Variants in KREMEN1 observed in about 807,000 individuals in gnomAD.
KREMEN1 encodes kremen protein 1.
In KREMEN1, 30 loss-of-function variants were observed where a neutral mutation model predicts 46.5. The observed-to-expected ratio is 0.65, with a 90% confidence interval of 0.48 to 0.88. The LOEUF (loss-of-function observed/expected upper bound fraction) is 0.88. Ranked by LOEUF, KREMEN1 falls within the 40% of genes least tolerant of loss-of-function variation. The pLI, the probability that KREMEN1 is intolerant of heterozygous loss-of-function variation, is 0.00. For synonymous variants in KREMEN1, 214 were observed against 230.6 expected, an observed-to-expected ratio of 0.93 and a Z score of 0.65; for missense variants, 533 against 596.9, an observed-to-expected ratio of 0.89 and a Z score of 1.11.
chr22:29,146,163 G>A lies in KREMEN1; in HGVS notation c.*4051G>A, dbSNP rs1311838844. ...TCAGATCTCCCGTGTGGTGTTTGAT[G>A]TCGGCTTTTGTTCCTACCTTGGGAG... On this transcript the variant is annotated 3_prime_UTR_variant, in exon 9 of 9. Transcript: ENST00000400335. The A allele has an allele frequency of 1.0e-6, 1 of 983,898 alleles. No individual in the cohort carries two copies. The highest frequency in any genetic ancestry group is 1.8e-5 in the African/African-American group (1 of 55,822). The allele number at this position is 983,898 out of a possible 1,614,324, so 60.9% of individuals were successfully genotyped here. A position where few individuals can be genotyped will look rare whatever the true frequency, so the allele number is the denominator to read the frequency against.
chr22:29,109,631 C>T (rs558140558), intron 3 of KREMEN1, among the ~76,000 whole-genome samples: 1 of 152,110 alleles, frequency 6.6e-6, no homozygotes, highest in African/African-American at 2.4e-5. Flanking sequence ...AAAAAGGAAC[C>T]AGGTCAGACC....
chr22:29,073,219 C>T lies in KREMEN1; in HGVS notation c.89C>T (p.Pro30Leu), dbSNP rs2037500973. 8.5e-7 allele frequency: 1 copy of T among 1,176,470 alleles called. No homozygotes were observed. Among genetic ancestry groups the T allele is most frequent in the South Asian group, 4.1e-5 (1 of 24,558 alleles). 72.9% of individuals were successfully genotyped at this position (1,176,470 alleles called of 1,614,324 possible). A position where few individuals can be genotyped will look rare whatever the true frequency, so the allele number is the denominator to read the frequency against. ...ARPAPSPGLGPGPECFTANGA... is the reference protein window; with the variant it reads ...ARPAPSPGLGLGPECFTANGA... ...CCCGCGCCTAGCCCCGGCCTCGGCC[C>T]CGGACCCGGTGAGTGTGAGCGACCC... is the stretch of plus-strand genomic sequence containing the variant. The change falls in exon 1 of 9, where the codon CCC (proline) becomes CTC (leucine). Residue 30 changes from proline to leucine, a missense_variant. Transcript: ENST00000400335. This position sits in a 1 kb window ranked among gnomAD's most constrained non-coding sequence, Gnocchi z 4.4.
At chr22:29,123,878 A>G (rs1007226391) in intron 4 of KREMEN1, among the ~76,000 whole-genome samples, 1 of 152,242 alleles carries the variant, frequency 6.6e-6, no homozygotes, top group Non-Finnish European at 1.5e-5. Context: ...AAAATGAGAT[A>G]TCACTACATA....
intron 1 of KREMEN1, among the ~76,000 whole-genome samples, chr22:29,074,326 A>G (rs924292269): frequency 3.3e-5 from 5 of 152,134 alleles, no homozygotes; most frequent in East Asian, 3.8e-4. Context: ...CTTCTCCCCA[A>G]CTGAGTTTAG....
exon 10 of KREMEN1, chr22:29,167,405 G>A: frequency 2.5e-6 from 1 of 392,174 alleles, no homozygotes. Flanking sequence ...CGCACAGCCG[G>A]TCAGAACTGT....
At chr22:29,108,304 T>C (rs751254191) in intron 3 of KREMEN1, among the ~76,000 whole-genome samples, 19 of 152,160 alleles carry the variant, frequency 1.2e-4, no homozygotes, top group Non-Finnish European at 2.5e-4. Context: ...CAAAATTCTT[T>C]CTTGATGCCA....
At chr22:29,091,131 C>T (rs1235964807) in intron 1 of KREMEN1, among the ~76,000 whole-genome samples, 1 of 152,100 alleles carries the variant, frequency 6.6e-6, no homozygotes, top group Non-Finnish European at 1.5e-5. Context: ...GCACTACCAC[C>T]CCCGGCTAAT....
chr22:29,094,204 G>A, intron 1 of KREMEN1, 54 bp from the exon 2 acceptor site: 1 of 1,474,762 alleles, frequency 6.8e-7, no homozygotes, highest in Non-Finnish European at 9.3e-7. Flanking sequence ...AAAGAGGGAG[G>A]AAACCATGAA....
At chr22:29,131,725 T>C (rs1425103343) in intron 5 of KREMEN1, among the ~76,000 whole-genome samples, 1 of 137,916 alleles carries the variant, frequency 7.3e-6, no homozygotes, top group African/African-American at 3.0e-5. Flanking sequence ...TATGTATATA[T>C]ATGTATATAT....
At chr22:29,100,849 G>A (rs989118667) in intron 3 of KREMEN1, among the ~76,000 whole-genome samples, 5 of 152,172 alleles carry the variant, frequency 3.3e-5, no homozygotes, top group African/African-American at 1.2e-4. Context: ...TCCTGACCTT[G>A]TGTGGCCTAG....
intron 5 of KREMEN1, among the ~76,000 whole-genome samples, chr22:29,131,486 A>T (rs1232072503): frequency 1.5e-5 from 2 of 137,294 alleles, no homozygotes; most frequent in African/African-American, 5.9e-5. Flanking sequence ...CCCTTCCCCA[A>T]CCCAACTCCT....
At chr22:29,155,914 G>T (rs2038957083) in intron 9 of KREMEN1, among the ~76,000 whole-genome samples, 1 of 151,330 alleles carries the variant, frequency 6.6e-6, no homozygotes, top group South Asian at 2.1e-4. Flanking sequence ...AACTGAGACG[G>T]TGCCACTGCA....
chr22:29,150,004 A>G (rs934430148), downstream of KREMEN1, among the ~76,000 whole-genome samples: 2 of 152,226 alleles, frequency 1.3e-5, no homozygotes, highest in African/African-American at 4.8e-5. Flanking sequence ...CAGTCTCTAG[A>G]ACTCAGAGAA....
At position 29,143,418 on chromosome 22, in the gene KREMEN1, C is replaced by G. The variant is rs1033265186; in HGVS notation, c.*1306C>G. ...ATGAGACATGGGGCCTGTGGTCCTT[C>G]CTTCTGGTGTCCCCCGTGTTAAAAG... On this transcript the variant is annotated 3_prime_UTR_variant, in exon 9 of 9. Coordinates refer to ENST00000400335, the MANE Select transcript of KREMEN1 (RefSeq NM_001039570.3). The G allele has an allele frequency of 1.0e-6, 1 of 985,274 alleles. No homozygotes were observed. The highest frequency in any genetic ancestry group is 4.7e-5 in the South Asian group (1 of 21,294). 61.0% of individuals were successfully genotyped at this position (985,274 alleles called of 1,614,324 possible). A position where few individuals can be genotyped will look rare whatever the true frequency, so the allele number is the denominator to read the frequency against.
At chr22:29,076,726 C>T (rs1247288733) in intron 1 of KREMEN1, among the ~76,000 whole-genome samples, 1 of 152,162 alleles carries the variant, frequency 6.6e-6, no homozygotes, top group African/African-American at 2.4e-5. Context: ...GTGGCACGTG[C>T]CTGTAATCCC....
intron 5 of KREMEN1, among the ~76,000 whole-genome samples, chr22:29,134,886 C>T (rs1369536663): frequency 6.6e-6 from 1 of 151,990 alleles, no homozygotes; most frequent in Non-Finnish European, 1.5e-5. Flanking sequence ...CACAGAGGGG[C>T]TCCTTCTCCA....
intron 1 of KREMEN1, among the ~76,000 whole-genome samples, chr22:29,089,298 A>G (rs1457916943): frequency 7.2e-6 from 1 of 138,280 alleles, no homozygotes; most frequent in Non-Finnish European, 1.6e-5. Flanking sequence ...TCCCTATTAC[A>G]GTAAATGGTA....
intron 1 of KREMEN1, among the ~76,000 whole-genome samples, chr22:29,085,462 G>A (rs1047880976): frequency 2.6e-5 from 4 of 151,554 alleles, no homozygotes; most frequent in South Asian, 2.1e-4. Context: ...ATTATTACAC[G>A]TAGAAAAAAA....
rs1288252241 is a variant in KREMEN1, at chr22:29,073,118, GCA to G, written c.-11_-10del. ...ACCCCGGGCCGCGCCCCGGGGCCCCGCACTGACGGCCCATGGCGCCGCCAGCC... is the reference window on the plus strand; with the variant it reads ...ACCCCGGGCCGCGCCCCGGGGCCCCGCTGACGGCCCATGGCGCCGCCAGCC... On this transcript the variant is annotated 5_prime_UTR_variant, in exon 1 of 9. It removes the in-frame stop codon of an upstream open reading frame in the 5' UTR. Transcript: ENST00000400335. The surrounding 1 kb of genome is among the most constrained non-coding windows in gnomAD (Gnocchi z 4.4). 1.0e-6 allele frequency: 1 copy of G among 1,000,852 alleles called. No homozygotes were observed. Among genetic ancestry groups the G allele is most frequent in the Admixed American group, 5.4e-5 (1 of 18,546 alleles). 62.0% of individuals were successfully genotyped at this position (1,000,852 alleles called of 1,614,324 possible).
Sources: gnomAD v4.1 joint callset for allele counts (sites outside exome capture counted in the v4.1 genomes callset) on GRCh38, gnomAD v4.1.1 for gene constraint, Gnocchi (gnomAD v3.1) non-coding constraint, MANE v1.5 for transcripts, NCBI Gene and HGNC (gene_info 2026-07-23, HGNC 2026-07-21) for gene names.